The following GPHN variants were observed in gnomAD, a reference collection of about 807,000 sequenced individuals.
GPHN encodes gephyrin.
GPHN carries 17 observed loss-of-function variants against 95.5 expected under a neutral mutation model. The ratio of observed to expected loss-of-function variants is 0.18; its 90% confidence interval spans 0.12 to 0.27. GPHN has a LOEUF of 0.27. Ranked by LOEUF, GPHN falls within the 10% of genes least tolerant of loss-of-function variation. The pLI, the probability that GPHN is intolerant of heterozygous loss-of-function variation, is 1.00. For missense variants in GPHN, 660 were observed against 978.1 expected (o/e 0.67, Z 4.34); for synonymous variants, 320 against 322.5 (o/e 0.99, Z 0.08).
At chr14:66,927,304 G>A (rs1233958268) in intron 8 of GPHN, among the ~76,000 whole-genome samples, 1 of 150,114 alleles carries the variant, frequency 6.7e-6, no homozygotes, top group Non-Finnish European at 1.5e-5. Context: ...AGCTAAGATC[G>A]TGCCACTGCA....
At chr14:66,664,772 A>G (rs1447899847) in intron 1 of GPHN, among the ~76,000 whole-genome samples, 2 of 151,936 alleles carry the variant, frequency 1.3e-5, no homozygotes, top group Non-Finnish European at 2.9e-5. Context: ...ACAATCAGAA[A>G]TGATAAGGTG....
At chr14:67,651,864 A>G in the GPHN span, 1 of 172,100 alleles carries the variant, frequency 5.8e-6, no homozygotes, top group African/African-American at 2.4e-5. Flanking sequence ...ATACCTTTCA[A>G]TCCCTTGTAA....
At chr14:66,794,703 A>G (rs1001721846) in intron 3 of GPHN, among the ~76,000 whole-genome samples, 13 of 152,162 alleles carry the variant, frequency 8.5e-5, no homozygotes, top group Admixed American at 5.9e-4. Flanking sequence ...AACTTCCTTT[A>G]TGGCCCAGTA....
At chr14:67,413,403 T>C in the GPHN span, among the ~76,000 whole-genome samples, 2 of 152,080 alleles carry the variant, frequency 1.3e-5, no homozygotes, top group South Asian at 2.1e-4. Context: ...GGCCGGTCCA[T>C]ATTATTTGTG....
the GPHN span, among the ~76,000 whole-genome samples, chr14:67,603,494 T>C: frequency 6.6e-6 from 1 of 152,202 alleles, no homozygotes; most frequent in Non-Finnish European, 1.5e-5. Flanking sequence ...TCTAAAATCC[T>C]TTTTCTTTTT....
At chr14:67,310,678 TATTTTTAACCAGATC>T in the GPHN span, among the ~76,000 whole-genome samples, 1 of 152,248 alleles carries the variant, frequency 6.6e-6, no homozygotes, top group Non-Finnish European at 1.5e-5. Context: ...TATATCTTTG[TATTTTTAACCAGATC>T]ATTTTTTAAC....
At chr14:66,715,836 TGA>T (rs1223252240) in intron 2 of GPHN, among the ~76,000 whole-genome samples, 1 of 152,174 alleles carries the variant, frequency 6.6e-6, no homozygotes, top group East Asian at 1.9e-4. Context: ...TGCTGTGGTC[TGA>T]GAGAGTGCTT....
At chr14:66,526,706 A>G (rs2139879635) in intron 1 of GPHN, among the ~76,000 whole-genome samples, 1 of 152,274 alleles carries the variant, frequency 6.6e-6, no homozygotes, top group African/African-American at 2.4e-5. Context: ...ATTTTGTCGA[A>G]GGCCTTTTCT....
intron 2 of GPHN, among the ~76,000 whole-genome samples, chr14:66,747,096 T>C (rs1165361816): frequency 6.6e-6 from 1 of 152,174 alleles, no homozygotes; most frequent in Non-Finnish European, 1.5e-5. Context: ...GCTTCAGAGG[T>C]AGTGGAGGAA....
At chr14:67,228,462 C>A in the GPHN span, 1 of 219,078 alleles carries the variant, frequency 4.6e-6, no homozygotes, top group Non-Finnish European at 7.7e-6. Context: ...AAAAAGCAAA[C>A]ACAGCTCAGG....
the GPHN span, among the ~76,000 whole-genome samples, chr14:67,532,216 G>A: frequency 6.6e-6 from 1 of 152,300 alleles, no homozygotes; most frequent in Admixed American, 6.5e-5. Flanking sequence ...ACTTTAGTTA[G>A]AGATTCAGAT....
At chr14:66,649,368 G>A (rs1030643921) in intron 1 of GPHN, among the ~76,000 whole-genome samples, 3 of 150,908 alleles carry the variant, frequency 2.0e-5, no homozygotes, top group Non-Finnish European at 3.0e-5. Flanking sequence ...AGGGGTCCCC[G>A]ACCCCCGGAC....
intron 2 of GPHN, among the ~76,000 whole-genome samples, chr14:66,727,983 G>A (rs2071403119): frequency 6.6e-6 from 1 of 152,132 alleles, no homozygotes; most frequent in Non-Finnish European, 1.5e-5. Flanking sequence ...TGGTTTCACG[G>A]GCTAGGCCCA....
At chr14:67,427,200 T>G in the GPHN span, among the ~76,000 whole-genome samples, 2 of 152,300 alleles carry the variant, frequency 1.3e-5, no homozygotes, top group East Asian at 3.9e-4. Context: ...TACACTGTAA[T>G]ATTTGTGACA....
At chr14:67,462,926 G>A in the GPHN span, among the ~76,000 whole-genome samples, 1 of 152,356 alleles carries the variant, frequency 6.6e-6, no homozygotes, top group East Asian at 1.9e-4. Context: ...GGAAATAACT[G>A]TATTGCAATT....
chr14:66,759,719 A>G (rs1822668056), intron 2 of GPHN, among the ~76,000 whole-genome samples: 1 of 152,186 alleles, frequency 6.6e-6, no homozygotes, highest in African/African-American at 2.4e-5. Context: ...TAGACTGTTT[A>G]CATTCAAGGT....
chr14:66,854,734 A>G (rs2062727407), intron 4 of GPHN, among the ~76,000 whole-genome samples: 1 of 152,144 alleles, frequency 6.6e-6, no homozygotes, highest in Admixed American at 6.5e-5. Context: ...TATAATTCAC[A>G]TATCATACAA....
chr14:66,722,688 C>T (rs2070873115), intron 2 of GPHN, among the ~76,000 whole-genome samples: 1 of 152,062 alleles, frequency 6.6e-6, no homozygotes. Flanking sequence ...AGTGATCCCC[C>T]CACCTCTAAT....
chr14:67,534,054 A>C, the GPHN span, among the ~76,000 whole-genome samples: 5 of 152,150 alleles, frequency 3.3e-5, no homozygotes, highest in Middle Eastern at 0.01. Context: ...CCACCTCATA[A>C]AACTCTTCCA....
Sources: allele counts gnomAD v4.1 joint callset (sites outside exome capture counted in the v4.1 genomes callset), GRCh38; gene constraint gnomAD v4.1.1; transcripts MANE v1.5; gene names NCBI Gene and HGNC (gene_info 2026-07-23, HGNC 2026-07-21).